Variants in ROBO2 observed in about 807,000 individuals in gnomAD.
ROBO2 encodes the protein roundabout homolog 2.
A neutral mutation model predicts 160.8 loss-of-function variants in ROBO2; 53 were observed. That is an observed-to-expected ratio of 0.33 (90% CI 0.26 to 0.41). ROBO2 has a LOEUF of 0.41. Among genes scored for constraint, ROBO2 ranks in the 10% least tolerant of loss-of-function variants. The pLI, the probability that ROBO2 is intolerant of heterozygous loss-of-function variation, is 1.00. For synonymous variants in ROBO2, 664 were observed against 611.7 expected (o/e 1.09, Z -1.26); for missense variants, 1,577 against 1,722.4 (o/e 0.92, Z 1.49).
At chr3:75,985,494 T>C (rs1264750061) in intron 2 of ROBO2, among the ~76,000 whole-genome samples, 1 of 151,598 alleles carries the variant, frequency 6.6e-6, no homozygotes, top group Non-Finnish European at 1.5e-5. Flanking sequence ...TACTATGACA[T>C]GATAGCTTCA....
intron 2 of ROBO2, among the ~76,000 whole-genome samples, chr3:77,303,092 A>G (rs919983978): frequency 6.6e-6 from 1 of 152,214 alleles, no homozygotes; most frequent in Non-Finnish European, 1.5e-5. Flanking sequence ...GTGCTACCAA[A>G]TGCAAAGATA....
intron 2 of ROBO2, among the ~76,000 whole-genome samples, chr3:76,534,327 C>A (rs1449168746): frequency 6.6e-6 from 1 of 152,064 alleles, no homozygotes; most frequent in Non-Finnish European, 1.5e-5. Flanking sequence ...AGTAATCAGG[C>A]ATGTTAGCTT....
At chr3:76,687,329 G>A (rs1408455573) in intron 2 of ROBO2, among the ~76,000 whole-genome samples, 1 of 151,992 alleles carries the variant, frequency 6.6e-6, no homozygotes. Context: ...AAAACATCAT[G>A]TGAGAATTAA....
In ROBO2 at chr3:76,524,537, A is replaced by G. The variant is rs1278390633; in HGVS notation, c.110-573477A>G. ...CTATAATGGTTTGGGTTACTCTCCT[A>G]ATACCTATGATTTAGAGATTATGGG... is the stretch of plus-strand genomic sequence containing the variant. On this transcript the variant is annotated intron_variant, in intron 2 of 26. Coordinates refer to the ROBO2 transcript ENST00000487694. Among the ~76,000 whole-genome samples the G allele has an allele frequency of 2.6e-5, 4 of 151,888 alleles. No individual in the cohort carries two copies. The East Asian group carries it at 7.8e-4, about 29-fold the overall frequency.
intron 2 of ROBO2, among the ~76,000 whole-genome samples, chr3:76,593,881 G>A (rs566927690): frequency 2.6e-5 from 4 of 151,880 alleles, no homozygotes; most frequent in African/African-American, 9.7e-5. Flanking sequence ...TTTTTTAAAT[G>A]TATAAAATAA....
At chr3:76,405,297 T>A (rs1249253382) in intron 2 of ROBO2, among the ~76,000 whole-genome samples, 1 of 150,408 alleles carries the variant, frequency 6.6e-6, no homozygotes, top group Non-Finnish European at 1.5e-5. Context: ...AGTGAAAGAG[T>A]GAAGGGTAGA....
At chr3:77,164,498 C>A (rs1397689042) in intron 2 of ROBO2, among the ~76,000 whole-genome samples, 1,363 of 134,854 alleles carry the variant, frequency 0.01, 19 homozygotes, top group African/African-American at 0.037. Context: ...GGGGGTCAGC[C>A]CCCCGCCCGG....
chr3:76,198,118 A>T (rs1435228864), intron 2 of ROBO2, among the ~76,000 whole-genome samples: 1 of 152,152 alleles, frequency 6.6e-6, no homozygotes, highest in Non-Finnish European at 1.5e-5. Flanking sequence ...ACATGGTGGG[A>T]AGGGGAGATC....
chr3:76,370,131 G>GGT (rs1003239370), intron 2 of ROBO2, among the ~76,000 whole-genome samples: 26 of 151,816 alleles, frequency 1.7e-4, no homozygotes, highest in African/African-American at 5.8e-4. Flanking sequence ...AACTGGTTCA[G>GGT]GTGTGTGTGT....
chr3:77,370,014 A>G (rs1215000265), intron 2 of ROBO2, among the ~76,000 whole-genome samples: 1 of 152,180 alleles, frequency 6.6e-6, no homozygotes, highest in Non-Finnish European at 1.5e-5. Context: ...TAGATGCAAC[A>G]AGAGTGATGC....
intron 2 of ROBO2, among the ~76,000 whole-genome samples, chr3:76,068,214 G>C (rs188278907): frequency 2.0e-5 from 3 of 152,254 alleles, no homozygotes; most frequent in African/African-American, 7.2e-5. Flanking sequence ...TGTGTTTGAG[G>C]GAGGGTAAGG....
chr3:76,283,664 C>T (rs953789637), intron 2 of ROBO2, among the ~76,000 whole-genome samples: 3 of 151,958 alleles, frequency 2.0e-5, no homozygotes, highest in African/African-American at 7.2e-5. Context: ...GACAGAGTTT[C>T]TGAAGGATAT....
At chr3:76,842,261 C>A in intron 2 of ROBO2, among the ~76,000 whole-genome samples, 1 of 152,204 alleles carries the variant, frequency 6.6e-6, no homozygotes, top group Non-Finnish European at 1.5e-5. Context: ...TATTCACTTA[C>A]ATCCTCATTC....
At chr3:76,899,139 A>G (rs1392983702) in intron 2 of ROBO2, among the ~76,000 whole-genome samples, 2 of 152,288 alleles carry the variant, frequency 1.3e-5, no homozygotes, top group East Asian at 3.9e-4. Context: ...CATCTCGTAT[A>G]GAACTATAAA....
chr3:76,114,182 C>T (rs927533663), intron 2 of ROBO2, among the ~76,000 whole-genome samples: 3 of 152,134 alleles, frequency 2.0e-5, no homozygotes, highest in Non-Finnish European at 4.4e-5. Flanking sequence ...TCATCACTGT[C>T]GCGTTGTGAA....
chr3:75,909,777 T>C (rs1946489603), intron 1 of ROBO2, among the ~76,000 whole-genome samples: 1 of 152,140 alleles, frequency 6.6e-6, no homozygotes, highest in African/African-American at 2.4e-5. Context: ...TTCTAATTCT[T>C]TCAGAAAGAG....
At chr3:76,886,253 C>CAAA (rs367823351) in intron 2 of ROBO2, among the ~76,000 whole-genome samples, 1 of 140,942 alleles carries the variant, frequency 7.1e-6, no homozygotes. Flanking sequence ...TAACCAATTC[C>CAAA]AAAAAAATAT....
intron 2 of ROBO2, among the ~76,000 whole-genome samples, chr3:76,472,063 ATGTGTGTGTGTGTGTGTGTG>A (rs57259386): frequency 1.4e-5 from 2 of 137,944 alleles, no homozygotes; most frequent in Middle Eastern, 3.8e-3. Flanking sequence ...GTCTGATAAA[ATGTGTGTGTGTGTGTGTGTG>A]TGTGTGTGTG....
chr3:76,987,644 GC>G (rs776893727), intron 2 of ROBO2, among the ~76,000 whole-genome samples: 20 of 152,046 alleles, frequency 1.3e-4, no homozygotes, highest in Non-Finnish European at 2.5e-4. Context: ...TTAAAAAAAA[GC>G]CAGTGATATT....
Sources: allele counts gnomAD v4.1 joint callset (sites outside exome capture counted in the v4.1 genomes callset), GRCh38; gene constraint gnomAD v4.1.1; transcripts MANE v1.5; gene names NCBI Gene and HGNC (gene_info 2026-07-23, HGNC 2026-07-21).